The following TNS4 variants were observed in gnomAD, a reference collection of about 807,000 sequenced individuals.
TNS4 encodes the protein tensin-4.
Under a neutral mutation model 70.4 loss-of-function variants are expected in TNS4, and 46 were observed. The observed-to-expected ratio is 0.65, with a 90% confidence interval of 0.52 to 0.84. The LOEUF is 0.84. Among genes scored for constraint, TNS4 ranks in the 40% least tolerant of loss-of-function variants. The pLI, the probability that TNS4 is intolerant of heterozygous loss-of-function variation, is 0.00. For synonymous variants in TNS4, 390 were observed against 366.6 expected (o/e 1.06, Z -0.73); for missense variants, 863 against 907.0 (o/e 0.95, Z 0.62).
chr17:40,482,691 T>C (rs538303466), intron 6 of TNS4, among the ~76,000 whole-genome samples: 110 of 151,626 alleles, frequency 7.3e-4, no homozygotes, highest in Admixed American at 2.5e-3. Context: ...GGCAGGAGAA[T>C]TGCTTGAACC....
In TNS4 at chr17:40,482,074, A is replaced by C. The variant is rs1048515525; in HGVS notation, c.1672+55T>G. 4 of 1,592,498 alleles carry C rather than the reference A, an allele frequency of 2.5e-6. No homozygotes were observed. The Admixed American group carries it at 5.1e-5, about 20-fold the overall frequency. On this transcript the variant is annotated intron_variant, in intron 8 of 12. Transcript: ENST00000254051. ...AAGGTAGGAGTGAACCCCATTTCTA[A>C]TGAGAACAAACAGGTCCCCCACCTT...
rs375275308 is a variant in TNS4 at position 40,487,028 on chromosome 17, C to T, written c.1288+8G>A. 1.1e-4 allele frequency: 178 copies of T among 1,612,058 alleles called. 1 individual carries two copies. The African/African-American group carries it at 1.4e-3, about 13-fold the overall frequency. On this transcript the variant is annotated splice_region_variant and intron_variant, in intron 4 of 12. Transcript: ENST00000254051. ...TTACATTGCTTCAAATATTGGTTTA[C>T]GACGTACCCTCTGGGCATGTGGTAA... is the stretch of plus-strand genomic sequence containing the variant.
At chr17:40,481,605 A>G (rs559305351) in intron 8 of TNS4, among the ~76,000 whole-genome samples, 53 of 152,344 alleles carry the variant, frequency 3.5e-4, no homozygotes, top group African/African-American at 1.2e-3. Flanking sequence ...ACCTCAAGTG[A>G]TCTGCCCGCC....
chr17:40,496,848 C>A lies in TNS4; in HGVS notation c.-95-328G>T, dbSNP rs561820557. 2.0e-5 allele frequency among the ~76,000 whole-genome samples: 3 copies of A among 152,254 alleles called. No homozygotes were observed. In the South Asian group the frequency reaches 6.2e-4, roughly 32 times the overall value. ...ATGTTTATTGAACATCTACTACATC[C>A]CAGGTGTGTTTATTAAGTAAATACT... On this transcript the variant is annotated intron_variant, in intron 1 of 12. Coordinates refer to ENST00000254051, the MANE Select transcript of TNS4 (RefSeq NM_032865.6).
At position 40,476,742 on chromosome 17, in the gene TNS4, A is replaced by C. The variant is rs1038930334; in HGVS notation, c.*846T>G. 5 of 152,256 alleles carry C rather than the reference A, an allele frequency of 3.3e-5. No individual in the cohort carries two copies. The highest frequency in any genetic ancestry group is 4.8e-5 in the African/African-American group (2 of 41,400). 9.4% of individuals were successfully genotyped at this position (152,256 alleles called of 1,614,324 possible). ...AGCTGGGTGAGTTGCACATGCCTGTAATCCCAGCTACTTGGGAGCCTGAGG... is the reference window on the plus strand; with the variant it reads ...AGCTGGGTGAGTTGCACATGCCTGTCATCCCAGCTACTTGGGAGCCTGAGG... On this transcript the variant is annotated 3_prime_UTR_variant, in exon 13 of 13. Coordinates refer to ENST00000254051, the MANE Select transcript of TNS4 (RefSeq NM_032865.6).
In TNS4 at chr17:40,477,616, G is replaced by A; in HGVS notation, c.2120C>T (p.Ala707Val). 6.2e-7 allele frequency: 1 copy of A among 1,614,156 alleles called. No individual in the cohort carries two copies. The highest frequency in any genetic ancestry group is 8.5e-7 in the Non-Finnish European group (1 of 1,180,024). The change falls in exon 13 of 13, where the codon GCT becomes GTT. Residue 707 changes from alanine (A) to valine (V), a missense_variant. Physicochemically the swap from Ala to Val is moderately conservative, Grantham distance 64. Coordinates refer to ENST00000254051, the MANE Select transcript of TNS4 (RefSeq NM_032865.6). Reference protein sequence around the residue: ...PASQVIGLVTALLQDAERM With the variant: ...PASQVIGLVTVLLQDAERM Reference sequence around the variant, plus strand: ...CATCCTTTCTGCGTCCTGCAGCAGAGCAGTCACCAGGCCGATGACCTGCGA... The same window carrying A: ...CATCCTTTCTGCGTCCTGCAGCAGAACAGTCACCAGGCCGATGACCTGCGA...
chr17:40,484,354 G>T, intron 6 of TNS4, 130 bp downstream of exon 6: 1 of 1,378,062 alleles, frequency 7.3e-7, no homozygotes, highest in Non-Finnish European at 9.8e-7. Flanking sequence ...TGGGGTGGAC[G>T]CTTCTCCTAG....
rs1339680769 is a variant in TNS4 at position 40,487,433 on chromosome 17, G to A, written c.891C>T (p.Asn297=). ...ATCTGGAAGATGACTGATGGCTGGA[G>A]TTGCTGGAGTGCAGGAGGGACTGGC... ...GSSQSLLHSS[N]SSHQSSSRSL... is the part of the protein sequence containing the mutation. The change falls in exon 4 of 13, where the codon AAC becomes AAT. Residue 297 remains asparagine (N), a synonymous_variant. Coordinates refer to ENST00000254051, the MANE Select transcript of TNS4 (RefSeq NM_032865.6). 6.2e-7 allele frequency: 1 copy of A among 1,611,794 alleles called. No homozygotes were observed. The highest frequency in any genetic ancestry group is 8.5e-7 in the Non-Finnish European group (1 of 1,178,344).
At chr17:40,491,384 A>G (rs1044584270) in intron 2 of TNS4, among the ~76,000 whole-genome samples, 3 of 152,220 alleles carry the variant, frequency 2.0e-5, no homozygotes, top group African/African-American at 7.2e-5. Flanking sequence ...GATATTATTA[A>G]TGCCCATATA....
rs1045861895 is a variant in TNS4 at position 40,492,611 on chromosome 17, TTTG to T, written c.439+3373_439+3375del. 3.5e-5 allele frequency among the ~76,000 whole-genome samples: 5 copies of T among 141,608 alleles called. 1 individual carries two copies. Among genetic ancestry groups the T allele is most frequent in the Admixed American group, 1.4e-4 (2 of 14,198 alleles). 92.9% of individuals were successfully genotyped at this position (141,608 alleles called of 152,430 possible). On this transcript the variant is annotated intron_variant, in intron 2 of 12. Transcript: ENST00000254051. Reference sequence around the variant, plus strand: ...CATGGACTAGTTTTTTTTTTTTTTTTTTGTTTTAAGCCTGGGCTGGGTGATATG... The same window carrying T: ...CATGGACTAGTTTTTTTTTTTTTTTTTTTTAAGCCTGGGCTGGGTGATATG...
chr17:40,486,003 G>T (rs755917744), intron 4 of TNS4, among the ~76,000 whole-genome samples: 30 of 151,866 alleles, frequency 2.0e-4, no homozygotes, highest in Admixed American at 5.3e-4. Context: ...ACCCCCTCTG[G>T]AGTCGCCTTG....
intron 2 of TNS4, among the ~76,000 whole-genome samples, chr17:40,490,338 CCCTT>C (rs1597696970): frequency 6.6e-6 from 1 of 152,368 alleles, no homozygotes; most frequent in East Asian, 1.9e-4. Context: ...AGGATGAACA[CCCTT>C]CCTCCTGACC....
rs2143771997 is a variant in TNS4, at chr17:40,477,501, C to T, written c.*87G>A. 1 of 1,559,556 alleles carries T rather than the reference C, an allele frequency of 6.4e-7. No homozygotes were observed. On this transcript the variant is annotated 3_prime_UTR_variant, in exon 13 of 13. Transcript: ENST00000254051. ...CCCATAGATTGGTCTGTCAATATGG[C>T]CACAAGCCACACCCATTCAGGGGGT...
intron 12 of TNS4, 118 bp from the exon 13 acceptor site, chr17:40,477,847 C>A: frequency 1.1e-6 from 1 of 909,394 alleles, no homozygotes; most frequent in Non-Finnish European, 1.7e-6. Flanking sequence ...CCTCCCTTAG[C>A]CAATTGACTC....
intron 2 of TNS4, among the ~76,000 whole-genome samples, chr17:40,494,606 C>T (rs1041041587): frequency 6.6e-6 from 1 of 151,992 alleles, no homozygotes; most frequent in East Asian, 1.9e-4. Flanking sequence ...GTGGCAGGTG[C>T]CTGTAATCTC....
At chr17:40,498,587 C>T (rs554160736) in intron 1 of TNS4, among the ~76,000 whole-genome samples, 7 of 152,228 alleles carry the variant, frequency 4.6e-5, no homozygotes, top group South Asian at 2.1e-4. Context: ...GACAAGGTGT[C>T]GCTCTGTTGC....
At chr17:40,498,147 C>A (rs911933201) in intron 1 of TNS4, among the ~76,000 whole-genome samples, 1 of 152,166 alleles carries the variant, frequency 6.6e-6, no homozygotes, top group Non-Finnish European at 1.5e-5. Context: ...GCCAAAACGC[C>A]TCCTTTACGT....
At chr17:40,480,043 T>C in intron 9 of TNS4, 1 of 631,600 alleles carries the variant, frequency 1.6e-6, no homozygotes. Context: ...TCTGTGGCTT[T>C]GCATCGCCCT....
At chr17:40,478,773 T>C in intron 10 of TNS4, 125 bp from the exon 11 acceptor site, 1 of 1,065,184 alleles carries the variant, frequency 9.4e-7, no homozygotes, top group Non-Finnish European at 1.4e-6. Context: ...GGGTTAGACC[T>C]TGAAGACCGC....
Sources: gnomAD v4.1 joint callset for allele counts (sites outside exome capture counted in the v4.1 genomes callset) on GRCh38, gnomAD v4.1.1 for gene constraint, MANE v1.5 for transcripts, NCBI Gene and HGNC (gene_info 2026-07-23, HGNC 2026-07-21) for gene names.